Variants in SNX29 observed in about 807,000 individuals in gnomAD.
SNX29 encodes sorting nexin-29.
In SNX29, 78 loss-of-function variants were observed where a neutral mutation model predicts 102.1. That is an observed-to-expected ratio of 0.76 (90% CI 0.64 to 0.92). The LOEUF is 0.92. Among genes scored for constraint, SNX29 ranks in the 40% least tolerant of loss-of-function variants. The pLI, the probability that SNX29 is intolerant of heterozygous loss-of-function variation, is 0.00. For missense variants in SNX29, 1,280 were observed against 1,061.7 expected, an observed-to-expected ratio of 1.21 and a Z score of -2.86; for synonymous variants, 580 against 414.5, an observed-to-expected ratio of 1.40 and a Z score of -4.85.
chr16:12,449,494 C>G (rs2086209145), intron 18 of SNX29, among the ~76,000 whole-genome samples: 2 of 152,044 alleles, frequency 1.3e-5, no homozygotes, highest in Admixed American at 6.6e-5. Flanking sequence ...ACAGAAAACC[C>G]AAACCAAACT....
At chr16:12,440,475 G>C (rs1026260408) in intron 18 of SNX29, among the ~76,000 whole-genome samples, 1 of 152,142 alleles carries the variant, frequency 6.6e-6, no homozygotes, top group Non-Finnish European at 1.5e-5. Context: ...AGGAGTACAA[G>C]TGCAGGTTTG....
Position 12,569,064 on chromosome 16 carries a change from C to G in SNX29, c.*435C>G, listed in dbSNP as rs548739867. On this transcript the variant is annotated 3_prime_UTR_variant, in exon 21 of 21. Coordinates refer to ENST00000566228, the MANE Select transcript of SNX29 (RefSeq NM_032167.5). Reference sequence around the variant, plus strand: ...ACGTGGGGACTAGAATGACTATTAGCCTCTCCTTTTGCTTTTTAAGGTTAT... The same window carrying G: ...ACGTGGGGACTAGAATGACTATTAGGCTCTCCTTTTGCTTTTTAAGGTTAT... The G allele has an allele frequency of 4.9e-6, 1 of 202,266 alleles. No individual in the cohort carries two copies. The highest frequency in any genetic ancestry group is 9.3e-6 in the Non-Finnish European group (1 of 107,304). 12.5% of individuals were successfully genotyped at this position (202,266 alleles called of 1,614,324 possible).
intron 19 of SNX29, among the ~76,000 whole-genome samples, chr16:12,519,813 G>C (rs1163656471): frequency 6.6e-6 from 1 of 152,068 alleles, no homozygotes; most frequent in Non-Finnish European, 1.5e-5. Context: ...TTCGAGACCA[G>C]CCTGGCCAAC....
At chr16:12,243,072 GC>G (rs2078160798) in intron 14 of SNX29, among the ~76,000 whole-genome samples, 1 of 152,224 alleles carries the variant, frequency 6.6e-6, no homozygotes, top group African/African-American at 2.4e-5. Context: ...ACGTGTCCTG[GC>G]CTGTGGGCTG....
chr16:12,136,400 C>T lies in SNX29; in HGVS notation c.1595+6642C>T, dbSNP rs141888266. On this transcript the variant is annotated intron_variant, in intron 13 of 20. Transcript: ENST00000566228. ...TCTTGGCTCTGCCACTTGGTAACTT[C>T]TTAATTCTCAGTTTCCCCACTGATG... 3.9e-3 allele frequency among the ~76,000 whole-genome samples: 588 copies of T among 152,360 alleles called. 5 individuals are homozygous for T. The highest frequency in any genetic ancestry group is 0.013 in the African/African-American group (561 of 41,592).
At chr16:12,397,753 A>C (rs2083772524) in intron 16 of SNX29, among the ~76,000 whole-genome samples, 1 of 152,182 alleles carries the variant, frequency 6.6e-6, no homozygotes, top group South Asian at 2.1e-4. Flanking sequence ...GACAGCTGTG[A>C]GAATCAGTTT....
intron 18 of SNX29, among the ~76,000 whole-genome samples, chr16:12,449,367 G>A (rs1010652955): frequency 5.3e-5 from 8 of 151,872 alleles, no homozygotes; most frequent in African/African-American, 1.9e-4. Context: ...TTGAGAATAG[G>A]CACGGCAAGG....
At chr16:12,186,597 C>A (rs1357012398) in intron 13 of SNX29, among the ~76,000 whole-genome samples, 2 of 152,204 alleles carry the variant, frequency 1.3e-5, no homozygotes, top group African/African-American at 4.8e-5. Flanking sequence ...TTTAACCTTT[C>A]ATGGCTAATC....
chr16:12,502,822 C>T (rs1003682543), intron 19 of SNX29, among the ~76,000 whole-genome samples: 2 of 152,138 alleles, frequency 1.3e-5, no homozygotes, highest in Non-Finnish European at 2.9e-5. Flanking sequence ...TATCACATTG[C>T]GGTTGCTGCG....
At chr16:12,010,293 T>C (rs535776609) in intron 3 of SNX29, among the ~76,000 whole-genome samples, 1 of 152,288 alleles carries the variant, frequency 6.6e-6, no homozygotes, top group Admixed American at 6.5e-5. Context: ...TGGGTGGCAG[T>C]GAGTTGGCTT....
At chr16:12,083,885 G>A (rs1475515515) in intron 11 of SNX29, among the ~76,000 whole-genome samples, 1 of 152,238 alleles carries the variant, frequency 6.6e-6, no homozygotes, top group East Asian at 1.9e-4. Context: ...GGCTGCCTCT[G>A]TACTGTAATT....
intron 12 of SNX29, 104 bp downstream of exon 12, chr16:12,126,800 A>T: frequency 1.6e-6 from 2 of 1,233,638 alleles, no homozygotes; most frequent in Non-Finnish European, 2.3e-6. Flanking sequence ...TCTTGGCAAA[A>T]ATTGTGACTG....
chr16:12,130,567 G>A (rs961580938), intron 13 of SNX29, among the ~76,000 whole-genome samples: 2 of 151,104 alleles, frequency 1.3e-5, no homozygotes, highest in East Asian at 3.9e-4. Context: ...TAGTATATAT[G>A]CACGTGGTTC....
chr16:12,280,241 G>A (rs1053368918), intron 15 of SNX29, among the ~76,000 whole-genome samples: 4 of 152,212 alleles, frequency 2.6e-5, no homozygotes, highest in South Asian at 4.1e-4. Flanking sequence ...CTCACGGGTC[G>A]GGAACAGAGT....
At chr16:12,445,888 A>G (rs898212210) in intron 18 of SNX29, among the ~76,000 whole-genome samples, 2 of 152,178 alleles carry the variant, frequency 1.3e-5, no homozygotes, top group African/African-American at 4.8e-5. Context: ...AACACCTGAG[A>G]GGCTAAGCCA....
intron 20 of SNX29, among the ~76,000 whole-genome samples, chr16:12,550,121 C>G (rs1161210797): frequency 3.9e-5 from 6 of 152,170 alleles, no homozygotes; most frequent in Admixed American, 1.3e-4. Flanking sequence ...CTGATGTACA[C>G]TCACATGTAA....
At chr16:12,006,410 G>T (rs2056454083) in intron 3 of SNX29, among the ~76,000 whole-genome samples, 1 of 151,656 alleles carries the variant, frequency 6.6e-6, no homozygotes, top group Non-Finnish European at 1.5e-5. Flanking sequence ...AGCTAAGCAG[G>T]GAGGCTGAGG....
intron 15 of SNX29, among the ~76,000 whole-genome samples, chr16:12,312,518 G>C (rs949835769): frequency 1.3e-5 from 2 of 152,136 alleles, no homozygotes; most frequent in Non-Finnish European, 2.9e-5. Flanking sequence ...CATTGAGGCA[G>C]GTTTTACCCG....
chr16:12,263,886 G>A (rs910384835), intron 14 of SNX29, among the ~76,000 whole-genome samples: 8 of 152,180 alleles, frequency 5.3e-5, no homozygotes, highest in African/African-American at 1.9e-4. Context: ...AAGCTAGATG[G>A]AGTCTTTGCC....
Sources: allele counts gnomAD v4.1 joint callset (sites outside exome capture counted in the v4.1 genomes callset), GRCh38; gene constraint gnomAD v4.1.1; transcripts MANE v1.5; gene names NCBI Gene and HGNC (gene_info 2026-07-23, HGNC 2026-07-21).